Variants in ENTREP2 observed in about 807,000 individuals in gnomAD.
The protein encoded by ENTREP2 is endosomal transmembrane epsin interactor 2.
At chr15:29,529,139 C>T in the ENTREP2 span, among the ~76,000 whole-genome samples, 4 of 43,272 alleles carry the variant, frequency 9.2e-5, no homozygotes, top group Non-Finnish European at 1.5e-4. Context: ...CTTGCATGTC[C>T]GGTCAAGGAG....
the ENTREP2 span, among the ~76,000 whole-genome samples, chr15:29,232,289 G>A: frequency 2.0e-5 from 3 of 152,116 alleles, no homozygotes; most frequent in South Asian, 2.1e-4. Flanking sequence ...GTTTAAATTC[G>A]ATCTATTTCA....
the ENTREP2 span, among the ~76,000 whole-genome samples, chr15:29,168,134 GGCATAAGAATGATACAAAA>G: frequency 6.6e-6 from 1 of 152,060 alleles, no homozygotes; most frequent in Admixed American, 6.6e-5. Context: ...AGGATGCAAG[GGCATAAGAATGATACAAAA>G]GCATAAGAAT....
the ENTREP2 span, among the ~76,000 whole-genome samples, chr15:29,330,123 T>C: frequency 6.6e-6 from 1 of 152,092 alleles, no homozygotes; most frequent in African/African-American, 2.4e-5. Context: ...ACTGATAGTA[T>C]GTCCCCCTGA....
the ENTREP2 span, among the ~76,000 whole-genome samples, chr15:29,627,088 G>A: frequency 6.6e-6 from 1 of 152,058 alleles, no homozygotes; most frequent in African/African-American, 2.4e-5. Flanking sequence ...CCTAATATAA[G>A]CATTTGGTGC....
chr15:29,530,148 T>C, the ENTREP2 span, among the ~76,000 whole-genome samples: 1 of 151,966 alleles, frequency 6.6e-6, no homozygotes, highest in Admixed American at 6.5e-5. Context: ...GAGGGGACGC[T>C]CCAGAAAATG....
the ENTREP2 span, among the ~76,000 whole-genome samples, chr15:29,300,873 AG>A: frequency 1.3e-5 from 2 of 152,262 alleles, no homozygotes; most frequent in African/African-American, 4.8e-5. Flanking sequence ...CTGGGATTAC[AG>A]GCATGAGCCA....
chr15:29,383,002 C>T, the ENTREP2 span, among the ~76,000 whole-genome samples: 3 of 152,112 alleles, frequency 2.0e-5, no homozygotes, highest in Non-Finnish European at 2.9e-5. Flanking sequence ...CACTCCCCTG[C>T]GGTTCTTCCC....
the ENTREP2 span, among the ~76,000 whole-genome samples, chr15:29,601,818 C>T: frequency 6.6e-6 from 1 of 152,270 alleles, no homozygotes; most frequent in Admixed American, 6.5e-5. Flanking sequence ...GCTGGCAGTG[C>T]AATTGAATGA....
the ENTREP2 span, among the ~76,000 whole-genome samples, chr15:29,396,701 C>T: frequency 6.6e-6 from 1 of 152,130 alleles, no homozygotes; most frequent in South Asian, 2.1e-4. Context: ...GGTTGTAAAG[C>T]TTTTCCCCTA....
At chr15:29,379,409 A>C in the ENTREP2 span, among the ~76,000 whole-genome samples, 2 of 152,120 alleles carry the variant, frequency 1.3e-5, no homozygotes, top group Admixed American at 6.5e-5. Flanking sequence ...ATGATACCCT[A>C]ACCTCCCTAC....
the ENTREP2 span, among the ~76,000 whole-genome samples, chr15:29,313,926 G>C: frequency 6.6e-6 from 1 of 152,226 alleles, no homozygotes; most frequent in East Asian, 1.9e-4. Context: ...ATTAACAGGA[G>C]TTTGGAAGAA....
the ENTREP2 span, among the ~76,000 whole-genome samples, chr15:29,350,658 A>C: frequency 3.3e-5 from 5 of 152,164 alleles, no homozygotes; most frequent in African/African-American, 1.2e-4. Flanking sequence ...ATTTCATAAG[A>C]GAGGGTGGGT....
the ENTREP2 span, among the ~76,000 whole-genome samples, chr15:29,174,713 A>C: frequency 0.079 from 11,823 of 150,070 alleles, 728 homozygotes; most frequent in East Asian, 0.25. Flanking sequence ...AAAACAACAA[A>C]AAAAAAAAAG....
the ENTREP2 span, among the ~76,000 whole-genome samples, chr15:29,500,865 T>C: frequency 1.3e-5 from 2 of 151,716 alleles, no homozygotes; most frequent in Non-Finnish European, 2.9e-5. Context: ...AAAGAAAAAA[T>C]AGAAGACTCC....
the ENTREP2 span, among the ~76,000 whole-genome samples, chr15:29,552,122 C>T: frequency 3.3e-5 from 5 of 152,158 alleles, no homozygotes; most frequent in Non-Finnish European, 5.9e-5. Context: ...CCTTTCCTCT[C>T]CCCATCTTGA....
the ENTREP2 span, among the ~76,000 whole-genome samples, chr15:29,294,368 G>A: frequency 1.3e-5 from 2 of 152,240 alleles, no homozygotes; most frequent in Non-Finnish European, 2.9e-5. Flanking sequence ...GAGGGAGATG[G>A]TGACGAGTCT....
chr15:29,128,693 A>G, the ENTREP2 span: 1 of 899,398 alleles, frequency 1.1e-6, no homozygotes, highest in Non-Finnish European at 1.8e-6. Flanking sequence ...AGGAGGAAAA[A>G]GAGAAGAGAA....
the ENTREP2 span, among the ~76,000 whole-genome samples, chr15:29,157,179 G>A: frequency 6.6e-6 from 1 of 152,190 alleles, no homozygotes. Context: ...GACCCACTGA[G>A]ATGTTGGCAA....
chr15:29,414,078 T>C, the ENTREP2 span, among the ~76,000 whole-genome samples: 5 of 152,044 alleles, frequency 3.3e-5, no homozygotes, highest in Non-Finnish European at 7.4e-5. Flanking sequence ...CTGTCAACAT[T>C]AGACAGATCA....
Sources: allele counts gnomAD v4.1 joint callset (sites outside exome capture counted in the v4.1 genomes callset), GRCh38; gene constraint gnomAD v4.1.1; transcripts MANE v1.5; gene names NCBI Gene and HGNC (gene_info 2026-07-23, HGNC 2026-07-21).